RNGTT: variants seen among roughly 807,000 people sequenced by gnomAD.
RNGTT encodes mRNA-capping enzyme.
RNGTT carries 33 observed loss-of-function variants against 79.3 expected under a neutral mutation model. The ratio of observed to expected loss-of-function variants is 0.42; its 90% confidence interval spans 0.32 to 0.56. The LOEUF is 0.56. Among genes scored for constraint, RNGTT ranks in the 20% least tolerant of loss-of-function variants. The probability of loss-of-function intolerance (pLI) is 0.17; values close to 1 mark genes in which losing one functional copy is unlikely to be tolerated. For missense variants in RNGTT, 497 were observed against 739.1 expected (o/e 0.67, Z 3.80); for synonymous variants, 222 against 235.9 (o/e 0.94, Z 0.54).
intron 14 of RNGTT, among the ~76,000 whole-genome samples, chr6:88,644,721 C>T (rs1773470555): frequency 6.6e-6 from 1 of 152,178 alleles, no homozygotes; most frequent in Non-Finnish European, 1.5e-5. Context: ...TAAACATAAT[C>T]CAGCATATAA....
intron 8 of RNGTT, among the ~76,000 whole-genome samples, chr6:88,887,587 T>C (rs970947691): frequency 6.6e-5 from 10 of 152,214 alleles, no homozygotes; most frequent in Admixed American, 2.0e-4. Flanking sequence ...TAGGAGAAAT[T>C]AGATATTTCC....
At chr6:88,955,214 G>A (rs1785386695) in intron 1 of RNGTT, among the ~76,000 whole-genome samples, 1 of 152,042 alleles carries the variant, frequency 6.6e-6, no homozygotes, top group Non-Finnish European at 1.5e-5. Flanking sequence ...CAAAACCTCT[G>A]AGACACAGCA....
Position 88,612,865 on chromosome 6 carries a change from A to C in RNGTT, c.1648T>G (p.Ser550Ala). ...NTAMAVCNSI[S>A]NPVTKEMLFE... ...AGCATCTCCTTGGTGACAGGGTTTG[A>C]GATGCTGTTACACACAGCTGTGGAC... Residue 550 changes from serine (S) to alanine (A), a missense_variant, in exon 16 of 16, where the codon TCA becomes GCA. Ser to Ala is a moderately conservative substitution (Grantham distance 99, BLOSUM62 1). Around this residue, in one of 3 missense-constraint regions of RNGTT, gnomAD observed 4 missense variants for 17.1 expected, o/e 0.23. Transcript: ENST00000369485. 10 of 1,613,762 alleles carry C rather than the reference A, an allele frequency of 6.2e-6. No homozygotes were observed. The highest frequency in any genetic ancestry group is 7.6e-6 in the Non-Finnish European group (9 of 1,179,866).
At chr6:88,935,166 G>A (rs879298157) in intron 2 of RNGTT, among the ~76,000 whole-genome samples, 2 of 152,054 alleles carry the variant, frequency 1.3e-5, no homozygotes, top group Admixed American at 1.3e-4. Context: ...AATTTTCCCA[G>A]CACCATTTAT....
chr6:88,878,774 G>A (rs1332261663), intron 8 of RNGTT, among the ~76,000 whole-genome samples: 1 of 152,104 alleles, frequency 6.6e-6, no homozygotes, highest in Non-Finnish European at 1.5e-5. Flanking sequence ...AATTTATAAA[G>A]AGCTAAGTGA....
intron 1 of RNGTT, among the ~76,000 whole-genome samples, chr6:88,962,654 C>A (rs1244536710): frequency 6.6e-6 from 1 of 152,130 alleles, no homozygotes; most frequent in African/African-American, 2.4e-5. Flanking sequence ...GCCTGTAATC[C>A]CAGCTACTTG....
intron 13 of RNGTT, among the ~76,000 whole-genome samples, chr6:88,737,142 A>G (rs1370407399): frequency 6.6e-6 from 1 of 152,216 alleles, no homozygotes; most frequent in African/African-American, 2.4e-5. Context: ...TGTTTGGGAC[A>G]TAACACCCCT....
intron 13 of RNGTT, among the ~76,000 whole-genome samples, chr6:88,700,482 C>A (rs1775909016): frequency 6.6e-6 from 1 of 152,022 alleles, no homozygotes; most frequent in Non-Finnish European, 1.5e-5. Context: ...TTTTTTCTTT[C>A]TTTTCTCAAG....
At chr6:88,698,877 G>A (rs1372613272) in intron 13 of RNGTT, among the ~76,000 whole-genome samples, 1 of 152,156 alleles carries the variant, frequency 6.6e-6, no homozygotes, top group East Asian at 1.9e-4. Context: ...CTCATGTGCT[G>A]AGCTGATAAC....
chr6:88,764,566 C>G (rs1778386437), intron 13 of RNGTT, among the ~76,000 whole-genome samples: 1 of 152,160 alleles, frequency 6.6e-6, no homozygotes, highest in African/African-American at 2.4e-5. Context: ...TCCAGTTTCT[C>G]ACTATTGTAA....
At chr6:88,726,019 G>A (rs1279252384) in intron 13 of RNGTT, among the ~76,000 whole-genome samples, 1 of 152,114 alleles carries the variant, frequency 6.6e-6, no homozygotes, top group Non-Finnish European at 1.5e-5. Flanking sequence ...CAGAGAGAGA[G>A]AGAGAGACAG....
At chr6:88,843,355 T>C (rs1263053214) in intron 11 of RNGTT, among the ~76,000 whole-genome samples, 1 of 151,972 alleles carries the variant, frequency 6.6e-6, no homozygotes, top group Non-Finnish European at 1.5e-5. Context: ...AGCAAAGGAC[T>C]AGAAGCAATC....
intron 13 of RNGTT, among the ~76,000 whole-genome samples, chr6:88,766,251 C>T (rs1778456885): frequency 6.6e-6 from 1 of 152,080 alleles, no homozygotes; most frequent in African/African-American, 2.4e-5. Context: ...GCTTTAAAAC[C>T]TGAACTCTAA....
chr6:88,911,235 T>C (rs951214139), intron 4 of RNGTT, among the ~76,000 whole-genome samples: 1 of 152,196 alleles, frequency 6.6e-6, no homozygotes, highest in African/African-American at 2.4e-5. Context: ...ATCCTTCTGC[T>C]ATCTTCAGGA....
At chr6:88,876,090 A>G (rs893096836) in intron 8 of RNGTT, among the ~76,000 whole-genome samples, 1 of 152,248 alleles carries the variant, frequency 6.6e-6, no homozygotes, top group Non-Finnish European at 1.5e-5. Context: ...AGATCAGTAC[A>G]GTTATTTATA....
intron 13 of RNGTT, among the ~76,000 whole-genome samples, chr6:88,726,987 G>C (rs1267552487): frequency 6.8e-6 from 1 of 147,316 alleles, no homozygotes; most frequent in Non-Finnish European, 1.5e-5. Context: ...TATCATCTCT[G>C]GGGAAAAAAA....
In RNGTT at chr6:88,612,757, G is replaced by C; in HGVS notation, c.1756C>G (p.Pro586Ala). 1 of 1,613,100 alleles carries C rather than the reference G, an allele frequency of 6.2e-7. No individual in the cohort carries two copies. Among genetic ancestry groups the C allele is most frequent in the Non-Finnish European group, 8.5e-7 (1 of 1,179,900 alleles). Reference protein sequence around the residue: ...HHLDPDTELMPPPPPKRPRPL... With the variant: ...HHLDPDTELMAPPPPKRPRPL... ...CGTGGTCTTTTGGGAGGTGGTGGTGGCATGAGCTCCGTGTCAGGGTCCAGA... is the reference window on the plus strand; with the variant it reads ...CGTGGTCTTTTGGGAGGTGGTGGTGCCATGAGCTCCGTGTCAGGGTCCAGA... Residue 586 changes from proline (P) to alanine (A), a missense_variant, in exon 16 of 16, where the codon CCA (proline) becomes GCA (alanine). Coordinates refer to ENST00000369485, the MANE Select transcript of RNGTT (RefSeq NM_003800.5).
intron 11 of RNGTT, among the ~76,000 whole-genome samples, chr6:88,807,591 A>C (rs569135085): frequency 6.6e-6 from 1 of 152,298 alleles, no homozygotes; most frequent in Non-Finnish European, 1.5e-5. Context: ...ACAGCCAAAG[A>C]CAGAACATTT....
rs540588389 is a variant in RNGTT, at chr6:88,683,944, GTTAAAGGT to G, written c.1440-5533_1440-5526del. On this transcript the variant is annotated intron_variant, in intron 13 of 15. Transcript: ENST00000369485. The stretch of plus-strand genomic sequence containing the variant: ...GCAGGAGGATCTCATGAGTCCATGA[GTTAAAGGT>G]TACAGTGAGTCATGAATGCACCACT... 2.7e-3 allele frequency among the ~76,000 whole-genome samples: 414 copies of G among 152,212 alleles called. 3 individuals are homozygous for G. The highest frequency in any genetic ancestry group is 9.7e-3 in the African/African-American group (402 of 41,534).
Sources: gnomAD v4.1 joint callset for allele counts (sites outside exome capture counted in the v4.1 genomes callset) on GRCh38, gnomAD v4.1.1 for gene constraint, gnomAD v4.1.1 regional missense constraint, MANE v1.5 for transcripts, NCBI Gene and HGNC (gene_info 2026-07-23, HGNC 2026-07-21) for gene names.